The following MEGF11 variants were observed in gnomAD, a reference collection of about 807,000 sequenced individuals.
MEGF11 encodes multiple EGF like domains 11, also known as multiple epidermal growth factor-like domains protein 11.
MEGF11 carries 126 observed loss-of-function variants against 146.6 expected under a neutral mutation model. The ratio of observed to expected loss-of-function variants is 0.86; its 90% CI spans 0.74 to 1.00. The LOEUF is 1.00. Ranked by LOEUF, MEGF11 falls within the 50% of genes least tolerant of loss-of-function variation. The pLI is 0.00. For synonymous variants in MEGF11, 532 were observed against 583.4 expected (o/e 0.91, Z 1.27); for missense variants, 1,509 against 1,521.2 (o/e 0.99, Z 0.13).
At chr15:65,980,697 T>C in intron 7 of MEGF11, 81 bp downstream of exon 7, 1 of 1,453,754 alleles carries the variant, frequency 6.9e-7, no homozygotes, top group Non-Finnish European at 9.1e-7. Context: ...CATGCCCGGC[T>C]AGTTTAGCCT....
chr15:66,224,089 T>C (rs1240544103), intron 1 of MEGF11, among the ~76,000 whole-genome samples: 1 of 152,204 alleles, frequency 6.6e-6, no homozygotes, highest in Non-Finnish European at 1.5e-5. Flanking sequence ...TAATATAATG[T>C]AGTGGTTAAC....
chr15:66,018,347 A>C (rs1260746195), intron 5 of MEGF11, among the ~76,000 whole-genome samples: 1 of 152,232 alleles, frequency 6.6e-6, no homozygotes, highest in Non-Finnish European at 1.5e-5. Flanking sequence ...CTTCAGGAGA[A>C]GTGACACCTG....
intron 5 of MEGF11, among the ~76,000 whole-genome samples, chr15:66,074,231 T>G (rs889969194): frequency 2.0e-5 from 3 of 152,262 alleles, no homozygotes; most frequent in Non-Finnish European, 4.4e-5. Context: ...TATTCATTAT[T>G]TTGCATGCTT....
At chr15:66,099,277 G>A (rs1321731253) in intron 4 of MEGF11, among the ~76,000 whole-genome samples, 2 of 143,310 alleles carry the variant, frequency 1.4e-5, no homozygotes, top group Admixed American at 7.4e-5. Flanking sequence ...CTGCCTCCCA[G>A]GTTCAAGTGA....
intron 5 of MEGF11, among the ~76,000 whole-genome samples, chr15:66,071,571 C>T (rs2140474070): frequency 6.6e-6 from 1 of 152,286 alleles, no homozygotes; most frequent in South Asian, 2.1e-4. Flanking sequence ...TGTGCTCTCC[C>T]CAGAAAGGCC....
intron 5 of MEGF11, among the ~76,000 whole-genome samples, chr15:65,998,692 G>A (rs969669235): frequency 6.6e-6 from 1 of 152,128 alleles, no homozygotes; most frequent in Non-Finnish European, 1.5e-5. Context: ...GAGAGTTATG[G>A]CAGGAGGTTC....
chr15:66,113,301 A>G (rs2087535664), intron 4 of MEGF11, among the ~76,000 whole-genome samples: 1 of 152,060 alleles, frequency 6.6e-6, no homozygotes, highest in South Asian at 2.1e-4. Flanking sequence ...ACGTGCCTGG[A>G]GTTTCTGGTG....
chr15:66,010,354 T>C (rs2082674797), intron 5 of MEGF11, among the ~76,000 whole-genome samples: 1 of 151,962 alleles, frequency 6.6e-6, no homozygotes, highest in Non-Finnish European at 1.5e-5. Flanking sequence ...CACCATGCCA[T>C]GCTAATTTTT....
chr15:66,088,438 G>C (rs930607902), intron 5 of MEGF11, among the ~76,000 whole-genome samples: 3 of 152,192 alleles, frequency 2.0e-5, no homozygotes, highest in African/African-American at 7.2e-5. Flanking sequence ...GATCCCTTCA[G>C]GTCAGGAGTT....
chr15:66,213,853 T>C (rs1257352902), intron 1 of MEGF11, among the ~76,000 whole-genome samples: 1 of 152,122 alleles, frequency 6.6e-6, no homozygotes, highest in Non-Finnish European at 1.5e-5. Flanking sequence ...GGAGCTAAGC[T>C]GAGAAGTGCC....
intron 8 of MEGF11, 104 bp from the exon 9 acceptor site, chr15:65,965,224 G>C (rs1476347231): frequency 1.1e-6 from 1 of 933,760 alleles, no homozygotes; most frequent in Admixed American, 2.5e-5. Flanking sequence ...CCCAGGCCTG[G>C]TGTGCTCCAC....
In MEGF11 at chr15:66,207,603, C is replaced by T. The variant is rs185951372; in HGVS notation, c.-9+46002G>A. On this transcript the variant is annotated intron_variant, in intron 1 of 25. Transcript: ENST00000395614. ...ACACTAGATAAGTAACTTGAATCCACGTAAAAAATAAAGAACGTCACTAAA... is the reference window on the plus strand; with the variant it reads ...ACACTAGATAAGTAACTTGAATCCATGTAAAAAATAAAGAACGTCACTAAA... 6.2e-4 allele frequency among the ~76,000 whole-genome samples: 95 copies of T among 152,220 alleles called. No individual in the cohort carries two copies. In the East Asian group the frequency reaches 0.013, roughly 21 times the overall value.
At chr15:66,067,229 A>T (rs1567225600) in intron 5 of MEGF11, among the ~76,000 whole-genome samples, 1 of 152,182 alleles carries the variant, frequency 6.6e-6, no homozygotes, top group Non-Finnish European at 1.5e-5. Flanking sequence ...GACACCTCAG[A>T]TCCAGTCTCG....
At chr15:66,169,361 A>G (rs2090183606) in intron 1 of MEGF11, among the ~76,000 whole-genome samples, 1 of 152,230 alleles carries the variant, frequency 6.6e-6, no homozygotes, top group Non-Finnish European at 1.5e-5. Flanking sequence ...CCAGGCCCAG[A>G]TGTCTAGACT....
intron 10 of MEGF11, among the ~76,000 whole-genome samples, chr15:65,956,629 G>C (rs2080648595): frequency 6.6e-6 from 1 of 152,226 alleles, no homozygotes; most frequent in Non-Finnish European, 1.5e-5. Context: ...GAGAACCCCT[G>C]AGTGTTTGGC....
chr15:66,231,490 G>A (rs2091966706), intron 1 of MEGF11, among the ~76,000 whole-genome samples: 1 of 151,936 alleles, frequency 6.6e-6, no homozygotes, highest in Non-Finnish European at 1.5e-5. Flanking sequence ...ATTACATCAG[G>A]GCTCCACAGA....
chr15:65,990,187 G>T (rs1422488014), intron 5 of MEGF11, among the ~76,000 whole-genome samples: 1 of 152,070 alleles, frequency 6.6e-6, no homozygotes, highest in Non-Finnish European at 1.5e-5. Context: ...CTCCAGCTGT[G>T]CAACAGAGAC....
chr15:66,163,007 C>T (rs1227822363), intron 1 of MEGF11, among the ~76,000 whole-genome samples: 1 of 152,118 alleles, frequency 6.6e-6, no homozygotes, highest in African/African-American at 2.4e-5. Flanking sequence ...TTCGATCCTG[C>T]AACATACTGC....
intron 1 of MEGF11, among the ~76,000 whole-genome samples, chr15:66,153,140 G>C (rs1449655220): frequency 1.3e-5 from 2 of 152,178 alleles, no homozygotes; most frequent in Non-Finnish European, 2.9e-5. Context: ...AAAGGGCCCT[G>C]GTTTCTGTGG....
Sources: allele counts gnomAD v4.1 joint callset (sites outside exome capture counted in the v4.1 genomes callset), GRCh38; gene constraint gnomAD v4.1.1; transcripts MANE v1.5; gene names NCBI Gene and HGNC (gene_info 2026-07-23, HGNC 2026-07-21).